Variants in KAZN observed in about 807,000 individuals in gnomAD.
KAZN encodes kazrin, periplakin interacting protein, also known as kazrin.
KAZN carries 40 observed loss-of-function variants against 87.4 expected under a neutral mutation model. The observed-to-expected ratio is 0.46, with a 90% CI of 0.36 to 0.60. KAZN has a LOEUF of 0.60. KAZN is among the 20% of genes least tolerant of loss of function. The pLI is 0.00. For missense variants in KAZN, 898 were observed against 1,073.9 expected (o/e 0.84, Z 2.29); for synonymous variants, 466 against 458.3 (o/e 1.02, Z -0.22).
chr1:14,369,749 G>A (rs1286671823), intron 2 of KAZN, among the ~76,000 whole-genome samples: 1 of 152,182 alleles, frequency 6.6e-6, no homozygotes, highest in Non-Finnish European at 1.5e-5. Context: ...GTTATGCAAA[G>A]TAAGCCCAAC....
intron 2 of KAZN, among the ~76,000 whole-genome samples, chr1:14,532,029 T>C (rs1304043482): frequency 6.6e-6 from 1 of 152,128 alleles, no homozygotes; most frequent in African/African-American, 2.4e-5. Flanking sequence ...GTGCTCTTTT[T>C]TCATAGAATG....
Position 14,633,438 on chromosome 1 carries a change from G to A in KAZN, c.226+34215G>A, listed in dbSNP as rs545939135. ...AGATGCCATTGCTAGAAGGGGCCTT[G>A]AGCCAAGAAATGTGTGGGTGCCTCT... On this transcript the variant is annotated intron_variant, in intron 1 of 14. Coordinates refer to ENST00000376030, the MANE Select transcript of KAZN (RefSeq NM_201628.3). 8.5e-4 allele frequency among the ~76,000 whole-genome samples: 130 copies of A among 152,248 alleles called. 1 individual carries two copies. The highest frequency in any genetic ancestry group is 6.8e-3 in the Middle Eastern group (2 of 294).
At chr1:14,798,359 A>G (rs992687386) in intron 1 of KAZN, among the ~76,000 whole-genome samples, 3 of 151,100 alleles carry the variant, frequency 2.0e-5, no homozygotes, top group African/African-American at 7.3e-5. Flanking sequence ...TCTCTTCTCC[A>G]CAAAGAAATC....
intron 1 of KAZN, among the ~76,000 whole-genome samples, chr1:14,866,988 GA>G (rs1347055736): frequency 2.6e-5 from 4 of 152,248 alleles, no homozygotes; most frequent in Non-Finnish European, 5.9e-5. Flanking sequence ...TTGGATTGGA[GA>G]AGACAGAAAA....
chr1:13,916,016 C>T (rs957133195), intron 1 of KAZN, among the ~76,000 whole-genome samples: 12 of 150,742 alleles, frequency 8.0e-5, no homozygotes, highest in South Asian at 2.1e-4. Flanking sequence ...GGTTGGGGGC[C>T]GGGGAGTGGG....
At chr1:14,656,910 C>T (rs1027127148) in intron 1 of KAZN, among the ~76,000 whole-genome samples, 5 of 152,148 alleles carry the variant, frequency 3.3e-5, no homozygotes, top group East Asian at 3.9e-4. Context: ...AATGCAAAAT[C>T]GTGCTATTAT....
intron 2 of KAZN, among the ~76,000 whole-genome samples, chr1:14,557,204 T>C (rs979477665): frequency 6.6e-6 from 1 of 152,228 alleles, no homozygotes; most frequent in Non-Finnish European, 1.5e-5. Flanking sequence ...AATCTTAAGT[T>C]ATCCCCAACA....
intron 2 of KAZN, among the ~76,000 whole-genome samples, chr1:14,372,366 A>C (rs1459556989): frequency 6.6e-6 from 1 of 152,210 alleles, no homozygotes; most frequent in Non-Finnish European, 1.5e-5. Flanking sequence ...TTGGTAATTG[A>C]AACATGGTAA....
intron 2 of KAZN, among the ~76,000 whole-genome samples, chr1:14,358,900 C>A (rs1034591064): frequency 6.6e-6 from 1 of 152,108 alleles, no homozygotes; most frequent in African/African-American, 2.4e-5. Context: ...AATGTAGATT[C>A]TTTTGATTTG....
At chr1:14,416,818 G>T in intron 2 of KAZN, among the ~76,000 whole-genome samples, 1 of 152,040 alleles carries the variant, frequency 6.6e-6, no homozygotes, top group East Asian at 1.9e-4. Context: ...TGCATGTGGT[G>T]GTGGCCCATG....
chr1:14,588,335 A>C (rs1469234639), intron 2 of KAZN, among the ~76,000 whole-genome samples: 1 of 152,258 alleles, frequency 6.6e-6, no homozygotes, highest in Non-Finnish European at 1.5e-5. Flanking sequence ...TTAATGTAAA[A>C]TATCTTCATT....
intron 2 of KAZN, among the ~76,000 whole-genome samples, chr1:14,300,388 T>C (rs1380727536): frequency 6.6e-6 from 1 of 152,088 alleles, no homozygotes; most frequent in Non-Finnish European, 1.5e-5. Context: ...CTCACTACCA[T>C]GCCCTGCTAA....
intron 1 of KAZN, among the ~76,000 whole-genome samples, chr1:14,651,703 A>C (rs948429860): frequency 6.6e-6 from 1 of 152,190 alleles, no homozygotes; most frequent in African/African-American, 2.4e-5. Flanking sequence ...TTTTCCCCCC[A>C]CGAGAATAAC....
chr1:14,480,772 AATAT>A (rs1669038745), intron 2 of KAZN, among the ~76,000 whole-genome samples: 1 of 145,904 alleles, frequency 6.9e-6, no homozygotes, highest in African/African-American at 2.5e-5. Flanking sequence ...AAAAATATAT[AATAT>A]ATATAATATA....
chr1:14,514,595 TTATATATATATA>T (rs754845099), intron 2 of KAZN, among the ~76,000 whole-genome samples: 1,285 of 66,466 alleles, frequency 0.019, 122 homozygotes, highest in African/African-American at 0.069. Flanking sequence ...TTTTTATATT[TTATATATATATA>T]TATATATATA....
chr1:14,626,556 G>A (rs1015569339), intron 1 of KAZN, among the ~76,000 whole-genome samples: 3 of 152,168 alleles, frequency 2.0e-5, no homozygotes, highest in Admixed American at 6.5e-5. Context: ...AGCCCCTACA[G>A]CAGCATCTTC....
chr1:14,254,617 T>A (rs951597449), intron 2 of KAZN, among the ~76,000 whole-genome samples: 4 of 152,176 alleles, frequency 2.6e-5, no homozygotes, highest in African/African-American at 9.7e-5. Flanking sequence ...CAGCTCATTA[T>A]TTTACGGCTA....
At chr1:13,913,295 T>G (rs1372997084) in intron 1 of KAZN, among the ~76,000 whole-genome samples, 1 of 152,102 alleles carries the variant, frequency 6.6e-6, no homozygotes, top group African/African-American at 2.4e-5. Context: ...GAACGTTCTG[T>G]GTGGCCTCTA....
chr1:14,548,159 G>A (rs1377108008), intron 2 of KAZN, among the ~76,000 whole-genome samples: 3 of 151,148 alleles, frequency 2.0e-5, no homozygotes, highest in Admixed American at 6.6e-5. Context: ...GCAGGCCACC[G>A]ATTTGTACAA....
Sources: gnomAD v4.1 joint callset for allele counts (sites outside exome capture counted in the v4.1 genomes callset) on GRCh38, gnomAD v4.1.1 for gene constraint, MANE v1.5 for transcripts, NCBI Gene and HGNC (gene_info 2026-07-23, HGNC 2026-07-21) for gene names.